The following SLC7A1 variants were observed in gnomAD, a reference collection of about 807,000 sequenced individuals.
SLC7A1 encodes the protein high affinity cationic amino acid transporter 1.
A neutral mutation model predicts 53.9 loss-of-function variants in SLC7A1; 10 were observed. The ratio of observed to expected loss-of-function variants is 0.19; its 90% CI spans 0.11 to 0.31. The LOEUF is 0.31. Among genes scored for constraint, SLC7A1 ranks in the 10% least tolerant of loss-of-function variants. The pLI, the probability that SLC7A1 is intolerant of heterozygous loss-of-function variation, is 1.00. For missense variants in SLC7A1, 525 were observed against 827.2 expected (o/e 0.63, Z 4.48); for synonymous variants, 342 against 338.7 (o/e 1.01, Z -0.11).
chr13:29,552,174 G>T (rs1163781237), intron 2 of SLC7A1, among the ~76,000 whole-genome samples: 1 of 151,336 alleles, frequency 6.6e-6, no homozygotes. Context: ...TGCCTCAAAT[G>T]ACTGTTAAGA....
intron 4 of SLC7A1, among the ~76,000 whole-genome samples, chr13:29,532,156 A>T (rs1007647802): frequency 3.3e-5 from 5 of 152,230 alleles, no homozygotes; most frequent in African/African-American, 1.2e-4. Flanking sequence ...TCTAACCCCA[A>T]ATGAGAATTT....
At chr13:29,526,154 C>T (rs1471599398) in intron 5 of SLC7A1, among the ~76,000 whole-genome samples, 1 of 152,210 alleles carries the variant, frequency 6.6e-6, no homozygotes, top group Non-Finnish European at 1.5e-5. Context: ...CCCCAGATCC[C>T]CACTCAGCTC....
At chr13:29,556,914 C>T (rs1419329302) in intron 1 of SLC7A1, among the ~76,000 whole-genome samples, 3 of 152,232 alleles carry the variant, frequency 2.0e-5, no homozygotes, top group East Asian at 1.9e-4. Context: ...GCCACAGTAA[C>T]GCTTGCTCCA....
At chr13:29,560,936 C>A (rs954925826) in intron 1 of SLC7A1, among the ~76,000 whole-genome samples, 6 of 152,174 alleles carry the variant, frequency 3.9e-5, no homozygotes, top group Non-Finnish European at 5.9e-5. Flanking sequence ...ACTAAGTACA[C>A]TTATAAGAAC....
chr13:29,560,261 G>A lies in SLC7A1; in HGVS notation c.-114-6401C>T, dbSNP rs888898390. Among the ~76,000 whole-genome samples the A allele has an allele frequency of 6.6e-5, 10 of 151,902 alleles. No individual in the cohort carries two copies. The South Asian group carries it at 1.5e-3, about 22-fold the overall frequency. On this transcript the variant is annotated intron_variant, in intron 1 of 12. Coordinates refer to ENST00000380752, the MANE Select transcript of SLC7A1 (RefSeq NM_003045.5). The stretch of plus-strand genomic sequence containing the variant: ...TTCCACCTCTACGTCTTGTCCCACC[G>A]GAAGGTCTTCAGGGGCAGGAACACA...
intron 5 of SLC7A1, among the ~76,000 whole-genome samples, chr13:29,524,522 C>T (rs530944867): frequency 6.6e-5 from 10 of 152,198 alleles, no homozygotes; most frequent in Admixed American, 5.2e-4. Context: ...GGTAGGGAGA[C>T]GTGGGGACTA....
At chr13:29,534,192 T>A (rs1869301902) in intron 3 of SLC7A1, among the ~76,000 whole-genome samples, 1 of 152,182 alleles carries the variant, frequency 6.6e-6, no homozygotes, top group Admixed American at 6.5e-5. Flanking sequence ...TTATGCCTTT[T>A]AAAAAAATGT....
At chr13:29,552,066 C>A (rs1161154866) in intron 2 of SLC7A1, among the ~76,000 whole-genome samples, 3 of 152,140 alleles carry the variant, frequency 2.0e-5, no homozygotes, top group African/African-American at 7.2e-5. Flanking sequence ...GCTATATCCC[C>A]CAGAAGTCCT....
chr13:29,593,763 CT>C (rs67453429), intron 1 of SLC7A1, among the ~76,000 whole-genome samples: 5,575 of 146,736 alleles, frequency 0.038, 127 homozygotes, highest in Middle Eastern at 0.19. Context: ...TCAAGCCTTT[CT>C]TTTTTTTTTT....
intron 1 of SLC7A1, among the ~76,000 whole-genome samples, chr13:29,591,086 G>C (rs1007917918): frequency 6.6e-6 from 1 of 152,012 alleles, no homozygotes; most frequent in African/African-American, 2.4e-5. Flanking sequence ...CTCCAGCCTG[G>C]GTGACAGAGT....
At chr13:29,547,312 G>T (rs760947576) in intron 2 of SLC7A1, among the ~76,000 whole-genome samples, 3 of 152,120 alleles carry the variant, frequency 2.0e-5, no homozygotes, top group Non-Finnish European at 4.4e-5. Flanking sequence ...CTGGCTGTGA[G>T]GTAACAGGAA....
chr13:29,546,112 T>C (rs1304029582), intron 2 of SLC7A1, among the ~76,000 whole-genome samples: 2 of 152,132 alleles, frequency 1.3e-5, no homozygotes, highest in Non-Finnish European at 2.9e-5. Context: ...AAAGAAAACA[T>C]CAGTCTGCAC....
intron 5 of SLC7A1, among the ~76,000 whole-genome samples, chr13:29,526,811 C>T (rs34496705): frequency 0.069 from 10,572 of 152,254 alleles, 459 homozygotes; most frequent in Middle Eastern, 0.14. Context: ...GCATCCTCCC[C>T]GGCTCCTCAG....
chr13:29,569,183 T>G (rs1871091073), intron 1 of SLC7A1, among the ~76,000 whole-genome samples: 2 of 152,052 alleles, frequency 1.3e-5, no homozygotes, highest in Admixed American at 1.3e-4. Flanking sequence ...CCCACCTGTA[T>G]GCATCCCGAG....
At chr13:29,579,238 T>C (rs1871539480) in intron 1 of SLC7A1, among the ~76,000 whole-genome samples, 1 of 152,258 alleles carries the variant, frequency 6.6e-6, no homozygotes. Flanking sequence ...AACTGAAACT[T>C]CTCATGGCCT....
At chr13:29,594,604 A>G (rs985910414) in intron 1 of SLC7A1, among the ~76,000 whole-genome samples, 11 of 152,220 alleles carry the variant, frequency 7.2e-5, no homozygotes, top group Admixed American at 5.9e-4. Context: ...CTACGCAGAA[A>G]GGAACACCCT....
intron 1 of SLC7A1, among the ~76,000 whole-genome samples, chr13:29,575,285 T>C (rs1201553972): frequency 1.3e-5 from 2 of 152,204 alleles, no homozygotes; most frequent in Non-Finnish European, 2.9e-5. Context: ...CCGGTGCCAA[T>C]TTCTCTTGCT....
chr13:29,521,764 G>A (rs575974064), intron 8 of SLC7A1, among the ~76,000 whole-genome samples: 110 of 152,264 alleles, frequency 7.2e-4, no homozygotes, highest in Non-Finnish European at 1.4e-3. Flanking sequence ...TCCTCTCAGC[G>A]ATGAGGCTCA....
chr13:29,525,140 T>C (rs1025408101), intron 5 of SLC7A1, among the ~76,000 whole-genome samples: 7 of 152,194 alleles, frequency 4.6e-5, no homozygotes, highest in African/African-American at 1.4e-4. Context: ...TGTCCCCTGG[T>C]CAGGAGGCAC....
Sources: allele counts gnomAD v4.1 joint callset (sites outside exome capture counted in the v4.1 genomes callset), GRCh38; gene constraint gnomAD v4.1.1; transcripts MANE v1.5; gene names NCBI Gene and HGNC (gene_info 2026-07-23, HGNC 2026-07-21).